Variants in FAM107B observed in about 807,000 individuals in gnomAD.
FAM107B encodes family with sequence similarity 107 member B, also known as protein FAM107B.
A neutral mutation model predicts 31.5 loss-of-function variants in FAM107B; 21 were observed. The ratio of observed to expected loss-of-function variants is 0.67; its 90% CI spans 0.47 to 0.96. The LOEUF is 0.96. Among genes scored for constraint, FAM107B ranks in the 40% least tolerant of loss-of-function variants. FAM107B has a pLI of 0.00. For missense variants in FAM107B, 452 were observed against 377.1 expected (o/e 1.20, Z -1.64); for synonymous variants, 157 against 141.5 (o/e 1.11, Z -0.78).
At chr10:14,596,762 C>A (rs1220807613) in intron 2 of FAM107B, among the ~76,000 whole-genome samples, 1 of 152,156 alleles carries the variant, frequency 6.6e-6, no homozygotes, top group Admixed American at 6.5e-5. Flanking sequence ...ACACCCGACG[C>A]CCTGCCTCCT....
At position 14,686,498 on chromosome 10, in the gene FAM107B, T is replaced by C. The variant is rs1223029298; in HGVS notation, c.412-18807A>G. On this transcript the variant is annotated intron_variant, in intron 1 of 4. Coordinates refer to ENST00000181796, the MANE Select transcript of FAM107B (RefSeq NM_031453.4). Reference sequence around the variant, plus strand: ...TTCTAAGCTTCTAAGCCCTGGTATTTGTGAGGTTGGAATTATGTCTATGAG... The same window carrying C: ...TTCTAAGCTTCTAAGCCCTGGTATTCGTGAGGTTGGAATTATGTCTATGAG... Among the ~76,000 whole-genome samples, 4 of 152,084 alleles carry C rather than the reference T, an allele frequency of 2.6e-5. No individual in the cohort carries two copies. In the South Asian group the frequency reaches 8.3e-4, roughly 32 times the overall value.
chr10:14,670,457 T>A (rs1386589162), intron 1 of FAM107B, among the ~76,000 whole-genome samples: 2 of 152,208 alleles, frequency 1.3e-5, no homozygotes. Context: ...CAGTAAGTCA[T>A]TTCTTGTTTC....
intron 2 of FAM107B, among the ~76,000 whole-genome samples, chr10:14,638,969 T>C (rs527381193): frequency 6.0e-4 from 91 of 152,270 alleles, no homozygotes; most frequent in African/African-American, 1.9e-3. Context: ...GGTGGGAGGA[T>C]TGCTTGAGTC....
chr10:14,633,173 T>A (rs1034357206), intron 2 of FAM107B, among the ~76,000 whole-genome samples: 12 of 146,552 alleles, frequency 8.2e-5, no homozygotes, highest in African/African-American at 2.8e-4. Flanking sequence ...CACTCCAGCC[T>A]GGGTGATAGA....
chr10:14,719,415 T>C (rs780939531), intron 1 of FAM107B, among the ~76,000 whole-genome samples: 18 of 152,226 alleles, frequency 1.2e-4, no homozygotes, highest in Non-Finnish European at 2.5e-4. Context: ...TTAATGATTT[T>C]TTTCATCTTG....
intron 1 of FAM107B, among the ~76,000 whole-genome samples, chr10:14,746,054 C>G (rs571201507): frequency 1.3e-5 from 2 of 152,026 alleles, no homozygotes; most frequent in Admixed American, 6.5e-5. Flanking sequence ...ATTATGAATG[C>G]CTTTCTTTGT....
chr10:14,770,643 A>G (rs559489304), intron 1 of FAM107B, among the ~76,000 whole-genome samples: 3 of 152,354 alleles, frequency 2.0e-5, no homozygotes, highest in Admixed American at 6.5e-5. Context: ...GGGAAAAGTT[A>G]TCATTAAGAG....
intron 2 of FAM107B, among the ~76,000 whole-genome samples, chr10:14,601,567 G>A (rs1433059482): frequency 1.3e-5 from 2 of 152,084 alleles, no homozygotes; most frequent in Non-Finnish European, 2.9e-5. Context: ...CTCCACAGCA[G>A]CTTTCCCACC....
intron 2 of FAM107B, among the ~76,000 whole-genome samples, chr10:14,644,738 C>T (rs1211493783): frequency 2.0e-5 from 3 of 152,136 alleles, no homozygotes; most frequent in African/African-American, 7.2e-5. Flanking sequence ...ATGAAGAATG[C>T]CACACAAATG....
At chr10:14,767,469 C>T (rs528739725) in intron 1 of FAM107B, among the ~76,000 whole-genome samples, 2 of 151,918 alleles carry the variant, frequency 1.3e-5, no homozygotes, top group East Asian at 1.9e-4. Flanking sequence ...AAGATTACAC[C>T]GTGACTAAGT....
chr10:14,614,608 G>A (rs924891024), intron 2 of FAM107B, among the ~76,000 whole-genome samples: 2 of 151,348 alleles, frequency 1.3e-5, no homozygotes, highest in Non-Finnish European at 2.9e-5. Flanking sequence ...AGGAGGCAGA[G>A]GTTGCAGTGA....
intron 1 of FAM107B, among the ~76,000 whole-genome samples, chr10:14,736,327 C>T (rs574861105): frequency 3.5e-4 from 54 of 152,294 alleles, no homozygotes; most frequent in African/African-American, 1.2e-3. Context: ...TCATATTCTA[C>T]TGGGTTGCTT....
At chr10:14,651,558 C>T (rs542875575) in intron 2 of FAM107B, among the ~76,000 whole-genome samples, 7 of 152,236 alleles carry the variant, frequency 4.6e-5, no homozygotes, top group Admixed American at 2.6e-4. Context: ...GCTGGGATCG[C>T]GCCATTGCAC....
chr10:14,653,281 A>G, intron 2 of FAM107B, among the ~76,000 whole-genome samples: 1 of 152,142 alleles, frequency 6.6e-6, no homozygotes, highest in Non-Finnish European at 1.5e-5. Flanking sequence ...TGTTCTTTTT[A>G]TCAGTTTCTC....
At chr10:14,540,246 G>T (rs1848042672) in intron 2 of FAM107B, among the ~76,000 whole-genome samples, 1 of 152,208 alleles carries the variant, frequency 6.6e-6, no homozygotes, top group Non-Finnish European at 1.5e-5. Flanking sequence ...CTAGGAGCTG[G>T]CAGTGTCACT....
intron 2 of FAM107B, among the ~76,000 whole-genome samples, chr10:14,554,963 G>A (rs539575453): frequency 1.3e-5 from 2 of 152,188 alleles, no homozygotes; most frequent in South Asian, 4.1e-4. Flanking sequence ...TTGTGAGTAT[G>A]CAAGCTCCTA....
intron 1 of FAM107B, among the ~76,000 whole-genome samples, chr10:14,731,746 T>C (rs1856178958): frequency 6.6e-6 from 1 of 152,170 alleles, no homozygotes; most frequent in South Asian, 2.1e-4. Context: ...ACAAATGTCA[T>C]TGTGTTACAG....
chr10:14,774,166 A>G, intron 1 of FAM107B, 87 bp downstream of exon 1: 1 of 1,497,646 alleles, frequency 6.7e-7, no homozygotes, highest in East Asian at 2.3e-5. Context: ...AGGTTAAATG[A>G]GTTTGTTTGC....
rs558940939 is a variant in FAM107B at position 14,734,488 on chromosome 10, G to GTGTTTTTGTTTTTTT, written c.411+39764_411+39765insAAAAAAACAAAAACA. ...AAACATAATGAAATCTTTTTGTGAG[G>GTGTTTTTGTTTTTTT]TTTTTTTTTTTTTTTTAGCTCATCA... On this transcript the variant is annotated intron_variant, in intron 1 of 4. Coordinates refer to ENST00000181796, the MANE Select transcript of FAM107B (RefSeq NM_031453.4). 7.4e-3 allele frequency among the ~76,000 whole-genome samples: 1,030 copies of GTGTTTTTGTTTTTTT among 138,410 alleles called. 25 individuals are homozygous for GTGTTTTTGTTTTTTT. Among genetic ancestry groups the GTGTTTTTGTTTTTTT allele is most frequent in the African/African-American group, 0.027 (987 of 36,772 alleles). 90.8% of individuals were successfully genotyped at this position (138,410 alleles called of 152,430 possible).
Sources: allele counts gnomAD v4.1 joint callset (sites outside exome capture counted in the v4.1 genomes callset), GRCh38; gene constraint gnomAD v4.1.1; transcripts MANE v1.5; gene names NCBI Gene and HGNC (gene_info 2026-07-23, HGNC 2026-07-21).